Variants in ADGRV1 observed in about 807,000 individuals in gnomAD.
The protein encoded by ADGRV1 is adhesion G protein-coupled receptor V1.
Under a neutral mutation model 596.2 loss-of-function variants are expected in ADGRV1, and 359 were observed. That is an observed-to-expected ratio of 0.60 (90% CI 0.55 to 0.66). The LOEUF is 0.66. Among genes scored for constraint, ADGRV1 ranks in the 30% least tolerant of loss-of-function variants. The pLI is 0.00. For missense variants in ADGRV1, 7,274 were observed against 7,575.6 expected (o/e 0.96, Z 1.48); for synonymous variants, 2,681 against 2,679.2 (o/e 1.00, Z -0.02).
chr5:91,114,901 G>C (rs1363818538), intron 87 of ADGRV1, among the ~76,000 whole-genome samples: 1 of 152,102 alleles, frequency 6.6e-6, no homozygotes, highest in Non-Finnish European at 1.5e-5. Flanking sequence ...CTGCCTTGGA[G>C]GACTTGAACT....
At chr5:91,020,303 C>CT (rs2151184164) in intron 85 of ADGRV1, among the ~76,000 whole-genome samples, 1 of 152,048 alleles carries the variant, frequency 6.6e-6, no homozygotes, top group South Asian at 2.1e-4. Context: ...AACTATGTAA[C>CT]TTTCTTAGTG....
chr5:91,151,778 G>A (rs1796083168), intron 88 of ADGRV1, among the ~76,000 whole-genome samples: 1 of 152,184 alleles, frequency 6.6e-6, no homozygotes, highest in African/African-American at 2.4e-5. Context: ...AGCCACATGT[G>A]TTTGGTAGCT....
At chr5:91,154,189 C>G (rs1191718404) in intron 89 of ADGRV1, among the ~76,000 whole-genome samples, 1 of 152,140 alleles carries the variant, frequency 6.6e-6, no homozygotes, top group African/African-American at 2.4e-5. Context: ...ATTTTTTCCT[C>G]AGAAAAATGT....
intron 70 of ADGRV1, among the ~76,000 whole-genome samples, chr5:90,794,076 A>G (rs572038562): frequency 6.6e-6 from 1 of 152,234 alleles, no homozygotes; most frequent in Admixed American, 6.5e-5. Context: ...TTGGGATATT[A>G]GTTACAAGAG....
chr5:90,819,348 G>A (rs1763241382), intron 75 of ADGRV1, among the ~76,000 whole-genome samples: 1 of 151,008 alleles, frequency 6.6e-6, no homozygotes, highest in Non-Finnish European at 1.5e-5. Context: ...CTATTTTGTT[G>A]ATCCTTTCAA....
intron 83 of ADGRV1, among the ~76,000 whole-genome samples, chr5:90,872,182 A>G (rs1044012583): frequency 1.3e-5 from 2 of 152,140 alleles, no homozygotes; most frequent in Non-Finnish European, 2.9e-5. Flanking sequence ...CAAGCCTGTA[A>G]CTGTGCCTTT....
At chr5:90,561,394 C>G (rs1412674153) in intron 1 of ADGRV1, among the ~76,000 whole-genome samples, 4 of 152,156 alleles carry the variant, frequency 2.6e-5, no homozygotes, top group African/African-American at 9.7e-5. Flanking sequence ...GTCACCTATA[C>G]ATTCTCATAA....
At chr5:91,051,537 A>AT (rs1192844206) in intron 85 of ADGRV1, among the ~76,000 whole-genome samples, 1,301 of 102,448 alleles carry the variant, frequency 0.013, 47 homozygotes, top group African/African-American at 0.028. Flanking sequence ...TTGACTTAGG[A>AT]TTTTTTTTTT....
intron 4 of ADGRV1, among the ~76,000 whole-genome samples, chr5:90,621,794 C>A (rs1764112884): frequency 6.6e-6 from 1 of 151,752 alleles, no homozygotes; most frequent in Admixed American, 6.6e-5. Context: ...GCTTTTCAGC[C>A]CTGAGGATGA....
At chr5:90,866,315 A>ATGTGTGTGTGTGTGTGTGTGTGTGTGTG (rs149341618) in intron 83 of ADGRV1, among the ~76,000 whole-genome samples, 3 of 138,216 alleles carry the variant, frequency 2.2e-5, no homozygotes, top group Non-Finnish European at 3.3e-5. Flanking sequence ...GTATGTGTAT[A>ATGTGTGTGTGTGTGTGTGTGTGTGTGTG]TGTGTGTGTG....
At chr5:90,575,530 T>C (rs975285190) in intron 1 of ADGRV1, among the ~76,000 whole-genome samples, 18 of 152,154 alleles carry the variant, frequency 1.2e-4, no homozygotes, top group African/African-American at 4.3e-4. Flanking sequence ...GATTGCAGGA[T>C]GGCCCTTTTC....
At chr5:91,014,422 A>AT (rs1783008817) in intron 85 of ADGRV1, among the ~76,000 whole-genome samples, 2 of 151,906 alleles carry the variant, frequency 1.3e-5, no homozygotes. Flanking sequence ...TTCCTCCTCA[A>AT]TTTTTTTGAA....
intron 77 of ADGRV1, among the ~76,000 whole-genome samples, chr5:90,837,109 G>A (rs927570471): frequency 6.6e-6 from 1 of 152,186 alleles, no homozygotes; most frequent in Admixed American, 6.5e-5. Context: ...AGCATCTGTG[G>A]CTTATATCTA....
At chr5:91,029,705 TTTTA>T (rs1442249002) in intron 85 of ADGRV1, among the ~76,000 whole-genome samples, 3 of 152,136 alleles carry the variant, frequency 2.0e-5, no homozygotes, top group African/African-American at 7.2e-5. Flanking sequence ...TTTGTAGAAA[TTTTA>T]TTTATTTCAT....
chr5:90,684,021 G>T lies in ADGRV1; in HGVS notation c.6100G>T (p.Ala2034Ser), dbSNP rs745422038. ...TTATTTTCCACCTAATTTAGCGAGA[G>T]CAACTCAAGGAAGAGACTATATACC... is the stretch of plus-strand genomic sequence containing the variant. ...PPYFPPNLAR[A>S]TQGRDYIPAS... Residue 2034 changes from alanine to serine, a missense_variant, in exon 28 of 90, where the codon GCA becomes TCA. This residue lies in a region of ADGRV1 where 3,643 missense variants were observed against 3,809.2 expected (regional missense o/e 0.96). Coordinates refer to ENST00000405460, the MANE Select transcript of ADGRV1 (RefSeq NM_032119.4). The T allele has an allele frequency of 6.2e-7, 1 of 1,613,768 alleles. No homozygotes were observed. Among genetic ancestry groups the T allele is most frequent in the Admixed American group, 1.7e-5 (1 of 59,984 alleles).
chr5:90,726,611 A>G (rs1751816320), intron 48 of ADGRV1, among the ~76,000 whole-genome samples: 1 of 151,436 alleles, frequency 6.6e-6, no homozygotes, highest in South Asian at 2.1e-4. Flanking sequence ...TTGCTTTCTA[A>G]CACACTACAC....
intron 86 of ADGRV1, among the ~76,000 whole-genome samples, chr5:91,100,864 C>T (rs187833852): frequency 4.6e-5 from 7 of 152,156 alleles, no homozygotes; most frequent in Admixed American, 1.3e-4. Flanking sequence ...AATCTAATCA[C>T]GAGAAAAATC....
At chr5:90,825,237 C>T (rs1763975895) in intron 76 of ADGRV1, among the ~76,000 whole-genome samples, 1 of 152,102 alleles carries the variant, frequency 6.6e-6, no homozygotes, top group Admixed American at 6.6e-5. Flanking sequence ...ATGCCTAGCC[C>T]CCATATTTCT....
At chr5:90,879,696 C>T (rs991287642) in intron 83 of ADGRV1, among the ~76,000 whole-genome samples, 5 of 151,940 alleles carry the variant, frequency 3.3e-5, no homozygotes, top group East Asian at 1.9e-4. Flanking sequence ...CCTGTAATCC[C>T]GACACTTTGG....
Sources: allele counts gnomAD v4.1 joint callset (sites outside exome capture counted in the v4.1 genomes callset), GRCh38; gene constraint gnomAD v4.1.1; regional missense constraint gnomAD v4.1.1; transcripts MANE v1.5; gene names NCBI Gene and HGNC (gene_info 2026-07-23, HGNC 2026-07-21).